The following SYT16 variants were observed in gnomAD, a reference collection of about 807,000 sequenced individuals.
The protein encoded by SYT16 is synaptotagmin 16.
SYT16 carries 42 observed loss-of-function variants against 61.4 expected under a neutral mutation model. The ratio of observed to expected loss-of-function variants is 0.68; its 90% CI spans 0.53 to 0.89. SYT16 has a LOEUF of 0.89. SYT16 is among the 40% of genes least tolerant of loss of function. The pLI is 0.00. For missense variants in SYT16, 804 were observed against 807.3 expected (o/e 1.00, Z 0.05); for synonymous variants, 314 against 302.3 (o/e 1.04, Z -0.40).
intron 1 of SYT16, among the ~76,000 whole-genome samples, chr14:61,893,738 C>T (rs906595983): frequency 8.5e-5 from 13 of 152,158 alleles, no homozygotes; most frequent in Non-Finnish European, 1.6e-4. Flanking sequence ...AAGGGAAGTT[C>T]AGTGGTCACC....
intron 1 of SYT16, chr14:61,864,968 G>T: frequency 7.4e-7 from 1 of 1,357,278 alleles, no homozygotes; most frequent in East Asian, 2.3e-5. Context: ...GAAAATTGCT[G>T]CGAGTCTGGG....
chr14:61,840,323 A>C (rs2046267029), intron 1 of SYT16, among the ~76,000 whole-genome samples: 1 of 152,154 alleles, frequency 6.6e-6, no homozygotes, highest in Admixed American at 6.5e-5. Flanking sequence ...TGGTGGTTTT[A>C]GTTTTGGGAG....
chr14:61,815,366 A>C (rs2140203638), intron 1 of SYT16, among the ~76,000 whole-genome samples: 1 of 152,310 alleles, frequency 6.6e-6, no homozygotes, highest in African/African-American at 2.4e-5. Context: ...ATATTGCCTT[A>C]GGGCTATAGC....
rs1228122316 is a variant in SYT16 at position 62,107,808 on chromosome 14, C to A, written c.*7101C>A. On this transcript the variant is annotated 3_prime_UTR_variant, in exon 8 of 8. Transcript: ENST00000683842. ...GGGGAGGAAATGCATCATTCCATTC[C>A]AGCAGTGAAAAGAATTATAGCATCA... The A allele has an allele frequency of 6.6e-6, 1 of 152,102 alleles. No individual in the cohort carries two copies. Among genetic ancestry groups the A allele is most frequent in the Non-Finnish European group, 1.5e-5 (1 of 68,002 alleles). 9.4% of individuals were successfully genotyped at this position (152,102 alleles called of 1,614,324 possible). A position where few individuals can be genotyped will look rare whatever the true frequency, so the allele number is the denominator to read the frequency against.
chr14:61,946,841 GA>G (rs1338918156), intron 1 of SYT16, among the ~76,000 whole-genome samples: 1 of 152,166 alleles, frequency 6.6e-6, no homozygotes, highest in East Asian at 1.9e-4. Flanking sequence ...TTAGATTACA[GA>G]AAAAATTGGG....
At chr14:62,065,791 A>G (rs993263980) in intron 3 of SYT16, among the ~76,000 whole-genome samples, 1 of 152,068 alleles carries the variant, frequency 6.6e-6, no homozygotes, top group African/African-American at 2.4e-5. Flanking sequence ...TTGTCCCTGG[A>G]TCTCTCCTAT....
intron 3 of SYT16, among the ~76,000 whole-genome samples, chr14:62,008,385 G>A (rs2053309617): frequency 6.6e-6 from 1 of 151,982 alleles, no homozygotes; most frequent in African/African-American, 2.4e-5. Flanking sequence ...TTCCTAGTTT[G>A]TAAGTTTATG....
At chr14:61,823,333 C>A (rs2045672633) in intron 1 of SYT16, among the ~76,000 whole-genome samples, 1 of 151,994 alleles carries the variant, frequency 6.6e-6, no homozygotes, top group African/African-American at 2.4e-5. Context: ...CAGAGTCTTA[C>A]TCTGTTGCCC....
At chr14:62,042,268 G>A (rs756716650) in intron 3 of SYT16, among the ~76,000 whole-genome samples, 1 of 152,020 alleles carries the variant, frequency 6.6e-6, no homozygotes, top group Non-Finnish European at 1.5e-5. Flanking sequence ...CTCCCAAAGT[G>A]CTAGGATTAT....
chr14:61,849,808 A>C (rs2046556842), intron 1 of SYT16, among the ~76,000 whole-genome samples: 1 of 152,078 alleles, frequency 6.6e-6, no homozygotes, highest in East Asian at 1.9e-4. Flanking sequence ...TTTCATTCTT[A>C]TGTAGGTGCT....
chr14:61,956,816 A>AT (rs35480135), intron 1 of SYT16, among the ~76,000 whole-genome samples: 2,124 of 149,114 alleles, frequency 0.014, 34 homozygotes, highest in African/African-American at 0.045. Context: ...AAGCTTTAGG[A>AT]TTTTTTTTTT....
intron 3 of SYT16, among the ~76,000 whole-genome samples, chr14:62,060,794 G>A (rs2140917341): frequency 6.6e-6 from 1 of 151,990 alleles, no homozygotes; most frequent in Non-Finnish European, 1.5e-5. Context: ...TACTTGTAAT[G>A]TCTTTGTTAG....
At chr14:61,817,998 T>G (rs78369274) in intron 1 of SYT16, among the ~76,000 whole-genome samples, 2,959 of 152,332 alleles carry the variant, frequency 0.019, 46 homozygotes, top group Middle Eastern at 0.031. Context: ...GGAGGGAGTT[T>G]ATAAATGAAA....
chr14:61,888,167 C>T (rs774466664), intron 1 of SYT16, among the ~76,000 whole-genome samples: 1 of 149,536 alleles, frequency 6.7e-6, no homozygotes, highest in Non-Finnish European at 1.5e-5. Flanking sequence ...CTCTGTCACC[C>T]AGTGCAGTGG....
intron 1 of SYT16, among the ~76,000 whole-genome samples, chr14:61,933,923 AT>A (rs1385477879): frequency 6.6e-6 from 1 of 152,226 alleles, no homozygotes; most frequent in Non-Finnish European, 1.5e-5. Context: ...GTATGTGTAT[AT>A]ATACATATAT....
chr14:62,035,420 G>A (rs2054469334), intron 3 of SYT16, among the ~76,000 whole-genome samples: 1 of 152,010 alleles, frequency 6.6e-6, no homozygotes, highest in South Asian at 2.1e-4. Context: ...TAAGAATGTT[G>A]AATCCACTTA....
chr14:61,941,957 T>C (rs2050227631), intron 1 of SYT16, among the ~76,000 whole-genome samples: 2 of 152,216 alleles, frequency 1.3e-5, no homozygotes, highest in Admixed American at 1.3e-4. Flanking sequence ...TCTTTGGCCA[T>C]ATATAAAAAA....
intron 4 of SYT16, among the ~76,000 whole-genome samples, chr14:62,074,070 C>T (rs2056394292): frequency 6.6e-6 from 1 of 152,116 alleles, no homozygotes; most frequent in East Asian, 1.9e-4. Flanking sequence ...ATGGGGTCTG[C>T]TGGAGGAGAA....
At chr14:61,884,294 G>A (rs2047810612) in intron 1 of SYT16, among the ~76,000 whole-genome samples, 1 of 152,134 alleles carries the variant, frequency 6.6e-6, no homozygotes. Context: ...TCAGCAATAA[G>A]TCTTGTAAAA....
Sources: gnomAD v4.1 joint callset for allele counts (sites outside exome capture counted in the v4.1 genomes callset) on GRCh38, gnomAD v4.1.1 for gene constraint, MANE v1.5 for transcripts, NCBI Gene and HGNC (gene_info 2026-07-23, HGNC 2026-07-21) for gene names.